The following ZNF331 variants were observed in gnomAD, a reference collection of about 807,000 sequenced individuals.
ZNF331 encodes the protein C2H2-like zinc finger protein rearranged in thyroid adenomas.
In ZNF331, 2 loss-of-function variants were observed where a neutral mutation model predicts 7.0. The observed-to-expected ratio is 0.29, with a 90% confidence interval of 0.12 to 0.90. ZNF331 has a LOEUF of 0.90. Ranked by LOEUF, ZNF331 falls within the 40% of genes least tolerant of loss-of-function variation. The pLI is 0.58. For synonymous variants in ZNF331, 196 were observed against 205.4 expected (o/e 0.95, Z 0.39); for missense variants, 432 against 587.7 (o/e 0.74, Z 2.74).
chr19:53,565,802 T>C (rs1288656630), intron 3 of ZNF331, among the ~76,000 whole-genome samples: 1 of 152,140 alleles, frequency 6.6e-6, no homozygotes, highest in Admixed American at 6.5e-5. Flanking sequence ...GTGCTGGGAT[T>C]ACAGGAGTGA....
rs143164034 is a variant in ZNF331, at chr19:53,573,971, G to A, written c.136+2241G>A. 0.014 allele frequency among the ~76,000 whole-genome samples: 2,133 copies of A among 152,146 alleles called. 16 individuals carry two copies. Among genetic ancestry groups the A allele is most frequent in the Middle Eastern group, 0.02 (6 of 294 alleles). On this transcript the variant is annotated intron_variant, in intron 5 of 5. Transcript: ENST00000449416. This position sits in a 1 kb window ranked among gnomAD's most constrained non-coding sequence, Gnocchi z 4.2. ...CTACTAAAAACACAAAAATTAGCCG[G>A]TGTGCTGGTGTGCGCCTGTAATCCC...
intron 2 of ZNF331, among the ~76,000 whole-genome samples, chr19:53,542,701 T>A (rs147239159): frequency 6.6e-6 from 1 of 152,176 alleles, no homozygotes; most frequent in African/African-American, 2.4e-5. Flanking sequence ...TAGAATCTCT[T>A]TTGCTAATGT....
the ZNF331 span, among the ~76,000 whole-genome samples, chr19:53,505,577 C>T: frequency 1.3e-5 from 2 of 152,114 alleles, no homozygotes; most frequent in South Asian, 2.1e-4. Context: ...GGTCAGTAGA[C>T]GCAGGGGTGG....
chr19:53,506,482 GTCTGTCTCTCTCTCTCTCTCTC>G, the ZNF331 span, among the ~76,000 whole-genome samples: 1 of 57,700 alleles, frequency 1.7e-5, no homozygotes, highest in Admixed American at 1.9e-4. Flanking sequence ...CTCTCTCTCT[GTCTGTCTCTCTCTCTCTCTCTC>G]TCTGTCTCTC....
rs1178584679 is a variant in ZNF331, at chr19:53,541,123, T to TTTC, written c.-138+1842_-138+1843insTCT. Among the ~76,000 whole-genome samples the TTTC allele has an allele frequency of 5.5e-4, 83 of 151,864 alleles. 1 individual carries two copies. Among genetic ancestry groups the TTTC allele is most frequent in the African/African-American group, 2.0e-3 (83 of 41,434 alleles). ...CATATTTCTTTTCTTTTTTTTTTTT[T>TTTC]TGAGACAGAGTTTCGCTCTTGTTGC... On this transcript the variant is annotated intron_variant, in intron 2 of 5. Transcript: ENST00000449416.
chr19:53,519,955 C>T (rs931722113), upstream of ZNF331, among the ~76,000 whole-genome samples: 5 of 152,296 alleles, frequency 3.3e-5, no homozygotes, highest in African/African-American at 7.2e-5. Context: ...GCTCTGGAGG[C>T]ACAGCTCTTT....
In ZNF331 at chr19:53,556,438, G is replaced by C. The variant is rs1045788863; in HGVS notation, c.-74+530G>C. On this transcript the variant is annotated intron_variant, in intron 3 of 5. Transcript: ENST00000449416. ...ATTCTTGTCTTAGTTGATTCAGTCT[G>C]TGATAACAAAGTACCATAGACTGTG... Among the ~76,000 whole-genome samples the C allele has an allele frequency of 4.6e-5, 7 of 151,088 alleles. 1 individual carries two copies. The highest frequency in any genetic ancestry group is 2.6e-4 in the Admixed American group (4 of 15,154).
the ZNF331 span, among the ~76,000 whole-genome samples, chr19:53,509,272 G>A: frequency 6.6e-6 from 1 of 152,184 alleles, no homozygotes; most frequent in Non-Finnish European, 1.5e-5. Flanking sequence ...TCCACGTAGA[G>A]ATGAATGTAT....
intron 2 of ZNF331, among the ~76,000 whole-genome samples, chr19:53,547,492 A>G (rs1007361171): frequency 6.6e-6 from 1 of 152,220 alleles, no homozygotes; most frequent in Non-Finnish European, 1.5e-5. Flanking sequence ...TGCAGTGAAC[A>G]CGGGAGCACA....
upstream of ZNF331, among the ~76,000 whole-genome samples, chr19:53,534,760 T>C (rs1447760470): frequency 6.6e-6 from 1 of 152,172 alleles, no homozygotes; most frequent in Admixed American, 6.5e-5. Context: ...TCTCCGTATC[T>C]GAAGGGTGGC....
intron 3 of ZNF331, among the ~76,000 whole-genome samples, chr19:53,559,754 A>G (rs917176085): frequency 7.1e-6 from 1 of 141,798 alleles, no homozygotes; most frequent in African/African-American, 2.7e-5. Flanking sequence ...CCATACGCAC[A>G]TGCACACACA....
chr19:53,564,127 C>T (rs1270994410), intron 3 of ZNF331, among the ~76,000 whole-genome samples: 1 of 129,882 alleles, frequency 7.7e-6, no homozygotes, highest in Non-Finnish European at 1.6e-5. Context: ...GCCCAGGCTG[C>T]AATACAGTGG....
intron 2 of ZNF331, among the ~76,000 whole-genome samples, chr19:53,547,687 T>A (rs1186998969): frequency 1.3e-5 from 2 of 152,194 alleles, no homozygotes; most frequent in Non-Finnish European, 2.9e-5. Flanking sequence ...ACATGTTATT[T>A]TTTTTGTTTG....
At chr19:53,514,916 C>T (rs2086867779), upstream of ZNF331, among the ~76,000 whole-genome samples, 1 of 152,136 alleles carries the variant, frequency 6.6e-6, no homozygotes, top group Non-Finnish European at 1.5e-5. Context: ...TCCCAAAGTG[C>T]TGGATTACAG....
In ZNF331 at chr19:53,528,115, A is replaced by G. The variant is rs138821227; in HGVS notation, c.-205+5431A>G. 5.8e-3 allele frequency among the ~76,000 whole-genome samples: 884 copies of G among 152,350 alleles called. 11 individuals carry two copies. The highest frequency in any genetic ancestry group is 0.017 in the Middle Eastern group (5 of 294). On this transcript the variant is annotated intron_variant, in intron 2 of 6. Coordinates refer to the ZNF331 transcript ENST00000253144. ...CTCTTGCTAATATTCTTGATTTGGTATCTCTTCTCAGATTAGATTCTTTAA... is the reference window on the plus strand; with the variant it reads ...CTCTTGCTAATATTCTTGATTTGGTGTCTCTTCTCAGATTAGATTCTTTAA...
At chr19:53,542,001 CA>C (rs780855744) in intron 2 of ZNF331, among the ~76,000 whole-genome samples, 7,803 of 142,440 alleles carry the variant, frequency 0.055, 658 homozygotes, top group African/African-American at 0.19. Flanking sequence ...GACAGTGTCT[CA>C]AAAAAAAAAA....
intron 3 of ZNF331, among the ~76,000 whole-genome samples, chr19:53,568,959 C>A (rs1399564850): frequency 1.3e-5 from 2 of 149,754 alleles, no homozygotes; most frequent in South Asian, 4.2e-4. Flanking sequence ...CGGGTTCAAG[C>A]GATTCCCCTG....
At chr19:53,564,610 C>T (rs2090068970) in intron 3 of ZNF331, among the ~76,000 whole-genome samples, 1 of 152,160 alleles carries the variant, frequency 6.6e-6, no homozygotes, top group Non-Finnish European at 1.5e-5. Context: ...CTACCTTCTT[C>T]CCTTGGTAAT....
chr19:53,524,010 G>C (rs1224158872), intron 2 of ZNF331, among the ~76,000 whole-genome samples: 1 of 152,264 alleles, frequency 6.6e-6, no homozygotes, highest in African/African-American at 2.4e-5. Context: ...GAGAACATGC[G>C]GTGTTTGGTT....
Sources: allele counts gnomAD v4.1 joint callset (sites outside exome capture counted in the v4.1 genomes callset), GRCh38; gene constraint gnomAD v4.1.1; non-coding constraint Gnocchi (gnomAD v3.1); transcripts MANE v1.5; gene names NCBI Gene and HGNC (gene_info 2026-07-23, HGNC 2026-07-21).